SLC25A26: variants seen among roughly 807,000 people sequenced by gnomAD.
SLC25A26 encodes solute carrier family 25 member 26.
A neutral mutation model predicts 37.8 loss-of-function variants in SLC25A26; 36 were observed. The ratio of observed to expected loss-of-function variants is 0.95; its 90% CI spans 0.73 to 1.26. The LOEUF is 1.26. Among genes scored for constraint, SLC25A26 ranks in the 50% most tolerant of loss-of-function variants. SLC25A26 has a pLI of 0.00. For synonymous variants in SLC25A26, 129 were observed against 122.5 expected (o/e 1.05, Z -0.35); for missense variants, 390 against 331.1 (o/e 1.18, Z -1.38).
At chr3:66,157,464 C>T (rs2070298652) in intron 1 of SLC25A26, among the ~76,000 whole-genome samples, 2 of 152,206 alleles carry the variant, frequency 1.3e-5, no homozygotes, top group African/African-American at 2.4e-5. Context: ...TGCATTAATT[C>T]ACTTAACTTC....
At chr3:66,251,996 C>G (rs1425637429) in intron 3 of SLC25A26, among the ~76,000 whole-genome samples, 1 of 152,046 alleles carries the variant, frequency 6.6e-6, no homozygotes, top group East Asian at 1.9e-4. Context: ...TTTATAGGCA[C>G]AGTATGATTT....
intron 1 of SLC25A26, among the ~76,000 whole-genome samples, chr3:66,209,657 T>G (rs2071248193): frequency 2.1e-5 from 3 of 139,626 alleles, no homozygotes; most frequent in Non-Finnish European, 4.6e-5. Context: ...TTTATAGATA[T>G]ATATAAATAT....
intron 1 of SLC25A26, among the ~76,000 whole-genome samples, chr3:66,175,527 A>G (rs1375522458): frequency 1.3e-5 from 2 of 152,196 alleles, no homozygotes; most frequent in African/African-American, 2.4e-5. Context: ...ACCCAGCTAT[A>G]AAGGTTTATT....
intron 1 of SLC25A26, among the ~76,000 whole-genome samples, chr3:66,142,458 T>C (rs1576591963): frequency 6.6e-6 from 1 of 152,178 alleles, no homozygotes; most frequent in East Asian, 1.9e-4. Flanking sequence ...AATTTTTTTT[T>C]ATCTTCTCCT....
chr3:66,152,694 G>A (rs1405828615), intron 1 of SLC25A26, among the ~76,000 whole-genome samples: 2 of 151,852 alleles, frequency 1.3e-5, no homozygotes, highest in African/African-American at 4.8e-5. Flanking sequence ...CTGGGGTAGG[G>A]TGGGAGGGAA....
chr3:66,174,118 T>C (rs1006537198), intron 1 of SLC25A26, among the ~76,000 whole-genome samples: 1 of 150,404 alleles, frequency 6.6e-6, no homozygotes, highest in African/African-American at 2.4e-5. Flanking sequence ...TGCTTTAAAA[T>C]ATTAAGTAGC....
intron 3 of SLC25A26, among the ~76,000 whole-genome samples, chr3:66,245,599 C>T (rs1021672551): frequency 1.3e-5 from 2 of 152,194 alleles, no homozygotes; most frequent in Middle Eastern, 3.4e-3. Context: ...ATGAATTAAC[C>T]TTTATAACAT....
intron 7 of SLC25A26, among the ~76,000 whole-genome samples, chr3:66,365,135 G>A (rs1181144964): frequency 6.6e-6 from 1 of 152,154 alleles, no homozygotes. Context: ...AGGATGTCTT[G>A]TGAAGTCCCT....
intron 6 of SLC25A26, among the ~76,000 whole-genome samples, chr3:66,346,899 G>A (rs2076338965): frequency 6.6e-6 from 1 of 152,090 alleles, no homozygotes; most frequent in Admixed American, 6.6e-5. Flanking sequence ...AGGGTCTTAG[G>A]GCTCTGACTG....
intron 5 of SLC25A26, among the ~76,000 whole-genome samples, chr3:66,317,620 GT>G (rs1407356794): frequency 6.6e-6 from 1 of 152,248 alleles, no homozygotes; most frequent in African/African-American, 2.4e-5. Context: ...TAAATAAGCA[GT>G]CTGGCTGCCC....
chr3:66,283,310 T>A (rs2107461351), intron 5 of SLC25A26, among the ~76,000 whole-genome samples: 1 of 152,272 alleles, frequency 6.6e-6, no homozygotes, highest in South Asian at 2.1e-4. Flanking sequence ...TGAGACAAGG[T>A]CTCACTGTGT....
intron 3 of SLC25A26, among the ~76,000 whole-genome samples, chr3:66,260,506 C>A (rs557754170): frequency 6.6e-6 from 1 of 152,218 alleles, no homozygotes; most frequent in South Asian, 2.1e-4. Context: ...GTTATGAATC[C>A]TTTGTTAACA....
upstream of SLC25A26, among the ~76,000 whole-genome samples, chr3:66,217,051 A>G (rs963046086): frequency 6.6e-6 from 1 of 152,206 alleles, no homozygotes; most frequent in Non-Finnish European, 1.5e-5. Context: ...AGGAGAGACT[A>G]TGTATTTCTT....
chr3:66,298,180 GACTA>G (rs2074966682), intron 5 of SLC25A26, among the ~76,000 whole-genome samples: 1 of 152,144 alleles, frequency 6.6e-6, no homozygotes. Context: ...AGAACCACTG[GACTA>G]GGTGATACAA....
At position 66,231,008 on chromosome 3, in the gene SLC25A26, C is replaced by T. The variant is rs1163413021; in HGVS notation, c.34-5536C>T. On this transcript the variant is annotated intron_variant, in intron 1 of 9. Transcript: ENST00000354883. The stretch of plus-strand genomic sequence containing the variant: ...TCGCCAACAGGGTGAAACTCTGCTT[C>T]TGCTAAAAATATAAAAATTAGCCAG... Among the ~76,000 whole-genome samples the T allele has an allele frequency of 3.3e-5, 5 of 152,146 alleles. No individual in the cohort carries two copies. The East Asian group carries it at 5.8e-4, about 18-fold the overall frequency.
intron 6 of SLC25A26, among the ~76,000 whole-genome samples, chr3:66,351,622 C>T (rs1161067854): frequency 6.6e-6 from 1 of 152,152 alleles, no homozygotes; most frequent in East Asian, 1.9e-4. Context: ...GCCTAGTTGA[C>T]ATCCTCACTC....
rs1700779989 is a variant in SLC25A26, at chr3:66,378,053, T to C, written c.*246T>C. 2.5e-6 allele frequency: 1 copy of C among 399,348 alleles called. No individual in the cohort carries two copies. The highest frequency in any genetic ancestry group is 2.0e-5 in the African/African-American group (1 of 50,468). 24.7% of individuals were successfully genotyped at this position (399,348 alleles called of 1,614,324 possible). ...TACTCTGAACAATTTCCTCAGAACC[T>C]CTTAATAAATAAGTTTGGTAATGCT... On this transcript the variant is annotated 3_prime_UTR_variant, in exon 10 of 10. Transcript: ENST00000354883.
chr3:66,319,364 G>T (rs1472432790), intron 5 of SLC25A26, among the ~76,000 whole-genome samples: 1 of 152,104 alleles, frequency 6.6e-6, no homozygotes, highest in Non-Finnish European at 1.5e-5. Flanking sequence ...ATAACTATAG[G>T]CAAAGATACC....
intron 3 of SLC25A26, among the ~76,000 whole-genome samples, chr3:66,256,215 G>C (rs1224614350): frequency 6.6e-6 from 1 of 151,894 alleles, no homozygotes; most frequent in Non-Finnish European, 1.5e-5. Flanking sequence ...GCTGGGAGCT[G>C]TCCTGTTAGG....
Sources: allele counts gnomAD v4.1 joint callset (sites outside exome capture counted in the v4.1 genomes callset), GRCh38; gene constraint gnomAD v4.1.1; transcripts MANE v1.5; gene names NCBI Gene and HGNC (gene_info 2026-07-23, HGNC 2026-07-21).